JAK2: variants seen among roughly 807,000 people sequenced by gnomAD.
JAK2 encodes the protein Janus kinase 2.
Under a neutral mutation model 139.3 loss-of-function variants are expected in JAK2, and 86 were observed. That is an observed-to-expected ratio of 0.62 (90% CI 0.52 to 0.74). The LOEUF is 0.74. JAK2 is among the 30% of genes least tolerant of loss of function. JAK2 has a pLI of 0.00. For synonymous variants in JAK2, 490 were observed against 437.7 expected (o/e 1.12, Z -1.49); for missense variants, 1,421 against 1,360.3 (o/e 1.04, Z -0.70).
At chr9:5,051,611 G>A (rs1817421094) in intron 6 of JAK2, among the ~76,000 whole-genome samples, 1 of 152,044 alleles carries the variant, frequency 6.6e-6, no homozygotes, top group Non-Finnish European at 1.5e-5. Context: ...GACAATCATG[G>A]CTAATATAAA....
At chr9:5,035,727 G>A (rs12552825) in intron 4 of JAK2, among the ~76,000 whole-genome samples, 43,252 of 151,962 alleles carry the variant, frequency 0.28, 6,507 homozygotes, top group African/African-American at 0.38. Context: ...GATGGGACGT[G>A]TCTCAAAATA....
At position 5,111,726 on chromosome 9, in the gene JAK2, G is replaced by A. The variant is rs576131707; in HGVS notation, c.3060-11278G>A. ...TTTGGCGGCCTGCACCAGCACGAGC[G>A]CGTGGGCTACCGGCTGCACGGAGGA... On this transcript the variant is annotated intron_variant, in intron 22 of 24. Coordinates refer to ENST00000381652, the MANE Select transcript of JAK2 (RefSeq NM_004972.4). The A allele has an allele frequency of 5.8e-4, 249 of 433,008 alleles. 4 individuals are homozygous for A. The highest frequency in any genetic ancestry group is 2.1e-3 in the Admixed American group (83 of 38,854). 26.8% of individuals were successfully genotyped at this position (433,008 alleles called of 1,614,324 possible). A position where few individuals can be genotyped will look rare whatever the true frequency, so the allele number is the denominator to read the frequency against.
At position 5,090,934 on chromosome 9, in the gene JAK2, A is replaced by T. The variant is rs2274649; in HGVS notation, c.3059+23A>T. ...CTGGTGAGTATATTTCAGTATGATA[A>T]ATGAAATTTTAGAGCACAGACTTCA... On this transcript the variant is annotated intron_variant, in intron 22 of 24. Coordinates refer to ENST00000381652, the MANE Select transcript of JAK2 (RefSeq NM_004972.4). The T allele has an allele frequency of 0.27, 396,722 of 1,490,512 alleles. 54,825 individuals are homozygous for T. The highest frequency in any genetic ancestry group is 0.3 in the Admixed American group (13,054 of 43,882). 92.3% of individuals were successfully genotyped at this position (1,490,512 alleles called of 1,614,324 possible).
At chr9:5,042,551 A>G (rs1031395936) in intron 4 of JAK2, among the ~76,000 whole-genome samples, 10 of 151,738 alleles carry the variant, frequency 6.6e-5, no homozygotes, top group African/African-American at 1.9e-4. Context: ...CCACCCCTCC[A>G]TTACTTTGCT....
In JAK2 at chr9:5,066,666, C is replaced by T. The variant is rs368062190; in HGVS notation, c.1215-12C>T. 6.8e-7 allele frequency: 1 copy of T among 1,460,792 alleles called. No individual in the cohort carries two copies. The highest frequency in any genetic ancestry group is 9.6e-7 in the Non-Finnish European group (1 of 1,041,346). 90.5% of individuals were successfully genotyped at this position (1,460,792 alleles called of 1,614,324 possible). A position where few individuals can be genotyped will look rare whatever the true frequency, so the allele number is the denominator to read the frequency against. Reference sequence around the variant, plus strand: ...TGATATATTATTCAAATTGCTTCTTCTTTACCTTTAGGATGGATTTTGCCA... The same window carrying T: ...TGATATATTATTCAAATTGCTTCTTTTTTACCTTTAGGATGGATTTTGCCA... On this transcript the variant is annotated splice_polypyrimidine_tract_variant and intron_variant, in intron 9 of 24. Transcript: ENST00000381652.
intron 3 of JAK2, among the ~76,000 whole-genome samples, chr9:5,029,386 C>A (rs1315661405): frequency 6.6e-6 from 1 of 152,142 alleles, no homozygotes; most frequent in South Asian, 2.1e-4. Context: ...CACAGATCAT[C>A]ATAACTGATA....
At chr9:5,022,568 T>C (rs1033400384) in intron 3 of JAK2, among the ~76,000 whole-genome samples, 2 of 152,232 alleles carry the variant, frequency 1.3e-5, no homozygotes, top group African/African-American at 4.8e-5. Context: ...TTTTGAAATA[T>C]GTATTTGATT....
At chr9:5,068,301 T>C (rs184669996) in intron 10 of JAK2, among the ~76,000 whole-genome samples, 155 of 152,100 alleles carry the variant, frequency 1.0e-3, no homozygotes, top group Non-Finnish European at 8.4e-4. Context: ...ACCTTAAAAA[T>C]AGGTGAACAA....
Position 5,049,632 on chromosome 9 carries a change from C to G in JAK2, c.469-1054C>G, listed in dbSNP as rs146084235. Among the ~76,000 whole-genome samples the G allele has an allele frequency of 3.0e-3, 452 of 152,272 alleles. 1 individual carries two copies. The highest frequency in any genetic ancestry group is 0.01 in the African/African-American group (434 of 41,570). Reference sequence around the variant, plus strand: ...ATAATTATTTGCTTCTGTTTCGCTTCTAAGCTAAATTTTGGTCCCCTTGAT... The same window carrying G: ...ATAATTATTTGCTTCTGTTTCGCTTGTAAGCTAAATTTTGGTCCCCTTGAT... On this transcript the variant is annotated intron_variant, in intron 5 of 24. Transcript: ENST00000381652.
intron 18 of JAK2, among the ~76,000 whole-genome samples, chr9:5,081,076 T>C (rs1819666829): frequency 2.0e-5 from 3 of 151,946 alleles, no homozygotes; most frequent in South Asian, 4.2e-4. Context: ...TTTGTATTTT[T>C]AGTAGAGACG....
chr9:5,089,465 G>A (rs1820395170), intron 19 of JAK2, among the ~76,000 whole-genome samples: 3 of 147,930 alleles, frequency 2.0e-5, no homozygotes, highest in Admixed American at 2.0e-4. Context: ...GTGAACCCAG[G>A]GGGCGGAGCT....
Position 5,069,134 on chromosome 9 carries a change from G to C in JAK2, c.1439G>C (p.Cys480Ser). The change falls in exon 11 of 25, where the codon TGT becomes TCT. Residue 480 changes from cysteine (C) to serine (S), a missense_variant. Coordinates refer to ENST00000381652, the MANE Select transcript of JAK2 (RefSeq NM_004972.4). ...NFSSLKDLLN[C>S]YQMETVRSDN... ...AGCAGTCTTAAAGATCTTTTGAATT[G>C]TTACCAGATGGAAACTGTTCGCTCA... 3 of 1,613,234 alleles carry C rather than the reference G, an allele frequency of 1.9e-6. No homozygotes were observed. The highest frequency in any genetic ancestry group is 2.5e-6 in the Non-Finnish European group (3 of 1,179,480).
chr9:5,099,514 A>G (rs925558937), intron 22 of JAK2: 4 of 152,162 alleles, frequency 2.6e-5, no homozygotes, highest in African/African-American at 9.7e-5. Flanking sequence ...TTATCCCTAC[A>G]CCAAAAATAA....
chr9:5,048,167 A>G (rs552428670), intron 5 of JAK2, among the ~76,000 whole-genome samples: 1 of 151,118 alleles, frequency 6.6e-6, no homozygotes, highest in Admixed American at 6.6e-5. Context: ...TTTGAGATGG[A>G]GTCTCCCACT....
At chr9:5,119,674 C>G (rs1217404280) in intron 22 of JAK2, among the ~76,000 whole-genome samples, 1 of 152,074 alleles carries the variant, frequency 6.6e-6, no homozygotes. Context: ...GTCATTCCTT[C>G]AGTAAATGTG....
chr9:5,104,343 A>C (rs1013345658), intron 22 of JAK2, among the ~76,000 whole-genome samples: 4 of 152,220 alleles, frequency 2.6e-5, no homozygotes, highest in Non-Finnish European at 4.4e-5. Flanking sequence ...GGACACATAC[A>C]CCCTCCCAAG....
At chr9:5,110,669 A>C (rs566788562) in intron 22 of JAK2, 2 of 306,162 alleles carry the variant, frequency 6.5e-6, no homozygotes, top group African/African-American at 4.4e-5. Flanking sequence ...ATACTGTCAT[A>C]TACCAACGCC....
At chr9:5,113,304 A>C (rs1029684740) in intron 22 of JAK2, among the ~76,000 whole-genome samples, 1 of 149,936 alleles carries the variant, frequency 6.7e-6, no homozygotes, top group Admixed American at 6.6e-5. Flanking sequence ...AATGTGGAGA[A>C]ATCGTAACAT....
chr9:5,072,046 A>C (rs1563975962), intron 12 of JAK2, among the ~76,000 whole-genome samples: 1 of 152,192 alleles, frequency 6.6e-6, no homozygotes, highest in Non-Finnish European at 1.5e-5. Flanking sequence ...CAGATGAAGA[A>C]ACCACGACAG....
Sources: allele counts gnomAD v4.1 joint callset (sites outside exome capture counted in the v4.1 genomes callset), GRCh38; gene constraint gnomAD v4.1.1; transcripts MANE v1.5; gene names NCBI Gene and HGNC (gene_info 2026-07-23, HGNC 2026-07-21).